The following ERLEC1 variants were observed in gnomAD, a reference collection of about 807,000 sequenced individuals.
ERLEC1 encodes ER lectin.
A neutral mutation model predicts 68.0 loss-of-function variants in ERLEC1; 47 were observed. The observed-to-expected ratio is 0.69, with a 90% confidence interval of 0.55 to 0.88. The LOEUF is 0.88. Ranked by LOEUF, ERLEC1 falls within the 40% of genes least tolerant of loss-of-function variation. The probability of loss-of-function intolerance (pLI) is 0.00; values close to 1 mark genes in which losing one functional copy is unlikely to be tolerated. For missense variants in ERLEC1, 567 were observed against 583.8 expected (o/e 0.97, Z 0.30); for synonymous variants, 225 against 203.2 (o/e 1.11, Z -0.91).
intron 13 of ERLEC1, 60 bp downstream of exon 13, chr2:53,814,995 C>CTTTTTTTTT (rs777632156): frequency 2.6e-3 from 1,207 of 470,010 alleles, no homozygotes; most frequent in African/African-American, 7.3e-3. Context: ...ATTTTTTTTT[C>CTTTTTTTTT]TTTTTTTTTT....
intron 12 of ERLEC1, 116 bp from the exon 13 acceptor site, chr2:53,814,744 A>T (rs1558608321): frequency 3.0e-6 from 3 of 993,168 alleles, no homozygotes; most frequent in Non-Finnish European, 4.6e-6. Flanking sequence ...AATTATTGAT[A>T]AAATTATATT....
chr2:53,798,977 G>C, intron 5 of ERLEC1, 70 bp from the exon 6 acceptor site: 1 of 1,373,048 alleles, frequency 7.3e-7, no homozygotes, highest in Non-Finnish European at 1.0e-6. Flanking sequence ...TACAAAGGTG[G>C]TTGAAAACTT....
intron 8 of ERLEC1, among the ~76,000 whole-genome samples, chr2:53,803,857 C>T (rs751971832): frequency 6.6e-6 from 1 of 151,876 alleles, no homozygotes; most frequent in African/African-American, 2.4e-5. Flanking sequence ...AGGCCAGGCA[C>T]ATGGCCCACG....
chr2:53,790,703 G>A (rs1675346798), intron 1 of ERLEC1, among the ~76,000 whole-genome samples: 1 of 151,502 alleles, frequency 6.6e-6, no homozygotes, highest in African/African-American at 2.4e-5. Flanking sequence ...CAAACTCCTG[G>A]TCAAAACTAT....
intron 1 of ERLEC1, among the ~76,000 whole-genome samples, chr2:53,787,883 A>C (rs1484901792): frequency 6.6e-6 from 1 of 152,124 alleles, no homozygotes; most frequent in Non-Finnish European, 1.5e-5. Context: ...TTCCTTTCCT[A>C]GTTGTTTCTG....
At chr2:53,814,805 C>T (rs1310672774) in intron 12 of ERLEC1, 55 bp from the exon 13 acceptor site, 20 of 1,334,252 alleles carry the variant, frequency 1.5e-5, no homozygotes, top group Non-Finnish European at 1.8e-5. Context: ...CAGTTATTAA[C>T]AGTGATCTTA....
At chr2:53,802,019 C>A (rs957709547) in intron 8 of ERLEC1, among the ~76,000 whole-genome samples, 177 bp downstream of exon 8, 1 of 152,104 alleles carries the variant, frequency 6.6e-6, no homozygotes, top group Admixed American at 6.6e-5. Context: ...TAGTACTACT[C>A]AAACTATTTT....
intron 10 of ERLEC1, among the ~76,000 whole-genome samples, chr2:53,811,869 C>T (rs1676607357): frequency 6.6e-6 from 1 of 152,132 alleles, no homozygotes; most frequent in Non-Finnish European, 1.5e-5. Flanking sequence ...GCACTAAGCT[C>T]CACTGGGCAT....
At position 53,795,939 on chromosome 2, in the gene ERLEC1, GA is replaced by G; in HGVS notation, c.278del (p.Lys93ArgfsTer52). On this transcript the variant is annotated frameshift_variant, in exon 3 of 14. Coordinates refer to ENST00000185150, the MANE Select transcript of ERLEC1 (RefSeq NM_015701.5). LOFTEE classifies it high-confidence loss of function. Reference sequence around the variant, plus strand: ...AACTCCAATTCTTTCTTAGGAAGAAGAAAAGGATTATAAAGGCCCTAATCCA... The same window carrying G: ...AACTCCAATTCTTTCTTAGGAAGAAGAAAGGATTATAAAGGCCCTAATCCA... ...PLVTSGDEEE[E>X]KDYKGPNPRE... 3 of 1,591,202 alleles carry G rather than the reference GA, an allele frequency of 1.9e-6. No homozygotes were observed. Among genetic ancestry groups the G allele is most frequent in the East Asian group, 2.2e-5 (1 of 44,450 alleles).
chr2:53,789,605 T>C (rs1196718948), intron 1 of ERLEC1, among the ~76,000 whole-genome samples: 1 of 152,136 alleles, frequency 6.6e-6, no homozygotes, highest in Non-Finnish European at 1.5e-5. Context: ...ATCTAGAGTG[T>C]TCTGTGAATT....
In ERLEC1 at chr2:53,817,775, AT is replaced by A; in HGVS notation, c.1381-122del. On this transcript the variant is annotated intron_variant, in intron 13 of 13. Coordinates refer to ENST00000185150, the MANE Select transcript of ERLEC1 (RefSeq NM_015701.5). ...GCTTAATTTGTAGAAATAATGTTGG[AT>A]GTTTATCTAAAACAAGGACTCATGC... 9.6e-6 allele frequency: 6 copies of A among 623,784 alleles called. 1 individual carries two copies. The South Asian group carries it at 1.3e-4, about 13-fold the overall frequency. 38.6% of individuals were successfully genotyped at this position (623,784 alleles called of 1,614,324 possible). A position where few individuals can be genotyped will look rare whatever the true frequency, so the allele number is the denominator to read the frequency against.
Position 53,787,133 on chromosome 2 carries a change from C to G in ERLEC1, c.-78C>G. 7.2e-7 allele frequency: 1 copy of G among 1,380,684 alleles called. No individual in the cohort carries two copies. The highest frequency in any genetic ancestry group is 1.5e-5 in the African/African-American group (1 of 67,736). 85.5% of individuals were successfully genotyped at this position (1,380,684 alleles called of 1,614,324 possible). A position where few individuals can be genotyped will look rare whatever the true frequency, so the allele number is the denominator to read the frequency against. On this transcript the variant is annotated 5_prime_UTR_variant, in exon 1 of 14. Coordinates refer to ENST00000185150, the MANE Select transcript of ERLEC1 (RefSeq NM_015701.5). ...CGCTTTATAGTCCCGCCGCCTCCTC[C>G]TCCACCTCCTCCTCCTCCTCCTCTC...
chr2:53,810,231 G>T (rs867105316), intron 10 of ERLEC1, among the ~76,000 whole-genome samples: 1 of 151,894 alleles, frequency 6.6e-6, no homozygotes. Context: ...ACACTTTGGG[G>T]GGCCAAGGCA....
chr2:53,796,101 T>A, intron 3 of ERLEC1, 88 bp downstream of exon 3: 3 of 927,928 alleles, frequency 3.2e-6, no homozygotes, highest in South Asian at 1.7e-5. Context: ...CTTTATTATG[T>A]TGTGTCAGGT....
intron 1 of ERLEC1, among the ~76,000 whole-genome samples, chr2:53,793,448 T>G (rs896218131): frequency 6.6e-6 from 1 of 152,204 alleles, no homozygotes; most frequent in African/African-American, 2.4e-5. Flanking sequence ...CCGTATTTGT[T>G]TACATATTGT....
chr2:53,801,793 T>C lies in ERLEC1; in HGVS notation c.830T>C (p.Leu277Pro). Residue 277 changes from leucine to proline, a missense_variant, in exon 8 of 14, where the codon CTG (leucine) becomes CCG (proline). Leu to Pro is a moderately conservative substitution (Grantham distance 98, BLOSUM62 -3). Transcript: ENST00000185150. ...TTTAAGCCCCTCACCCTGAGGCAGC[T>C]GGAGCAGCAGGAAGAAATACTAAGG... Reference protein sequence around the residue: ...SPFKPLTLRQLEQQEEILRVP... With the variant: ...SPFKPLTLRQPEQQEEILRVP... 1.2e-6 allele frequency: 2 copies of C among 1,613,864 alleles called. No homozygotes were observed. The highest frequency in any genetic ancestry group is 2.2e-5 in the East Asian group (1 of 44,878).
chr2:53,794,467 T>C lies in ERLEC1; in HGVS notation c.267+18T>C. On this transcript the variant is annotated intron_variant, in intron 2 of 13. Transcript: ENST00000185150. ...GGGATGAGGTAAGTTTTTATAAATA[T>C]ATTGATAATCCTGTCACCAAAAATA... 1 of 1,164,382 alleles carries C rather than the reference T, an allele frequency of 8.6e-7. No homozygotes were observed. Among genetic ancestry groups the C allele is most frequent in the South Asian group, 1.3e-5 (1 of 74,150 alleles). 72.1% of individuals were successfully genotyped at this position (1,164,382 alleles called of 1,614,324 possible). A position where few individuals can be genotyped will look rare whatever the true frequency, so the allele number is the denominator to read the frequency against.
chr2:53,791,192 A>G (rs902943103), intron 1 of ERLEC1, among the ~76,000 whole-genome samples: 1 of 152,212 alleles, frequency 6.6e-6, no homozygotes, highest in African/African-American at 2.4e-5. Flanking sequence ...CTCTCATGCC[A>G]AGATATTTTT....
chr2:53,787,791 C>G (rs1675144221), intron 1 of ERLEC1, among the ~76,000 whole-genome samples: 1 of 152,230 alleles, frequency 6.6e-6, no homozygotes, highest in African/African-American at 2.4e-5. Flanking sequence ...ACTTCAGACT[C>G]GAGTTCCCTC....
Sources: allele counts gnomAD v4.1 joint callset (sites outside exome capture counted in the v4.1 genomes callset), GRCh38; gene constraint gnomAD v4.1.1; transcripts MANE v1.5; gene names NCBI Gene and HGNC (gene_info 2026-07-23, HGNC 2026-07-21).